The following ZNF100 variants were observed in gnomAD, a reference collection of about 807,000 sequenced individuals.
ZNF100 encodes zinc finger protein 100 (Y1).
ZNF100 carries 12 observed loss-of-function variants against 15.8 expected under a neutral mutation model. The ratio of observed to expected loss-of-function variants is 0.76; its 90% CI spans 0.49 to 1.23. ZNF100 has a LOEUF of 1.23. ZNF100 is among the 50% of genes most tolerant of loss of function. ZNF100 has a pLI of 0.00. For missense variants in ZNF100, 670 were observed against 635.6 expected, an observed-to-expected ratio of 1.05 and a Z score of -0.58; for synonymous variants, 226 against 214.8, an observed-to-expected ratio of 1.05 and a Z score of -0.45.
intron 4 of ZNF100, among the ~76,000 whole-genome samples, chr19:21,741,909 C>T (rs1270663688): frequency 1.3e-5 from 2 of 152,034 alleles, no homozygotes; most frequent in African/African-American, 4.8e-5. Context: ...AACTTTTGGG[C>T]TCAAGTGATC....
chr19:21,753,473 C>T (rs2036343167), intron 2 of ZNF100: 2 of 152,042 alleles, frequency 1.3e-5, no homozygotes, highest in East Asian at 3.9e-4. Context: ...GTCCCAGCTA[C>T]TCTGGAGGCT....
chr19:21,728,508 C>G (rs1468798062), intron 4 of ZNF100, among the ~76,000 whole-genome samples: 1 of 152,008 alleles, frequency 6.6e-6, no homozygotes, highest in African/African-American at 2.4e-5. Context: ...GTACCACAGA[C>G]AGAAAACAGG....
At chr19:21,745,646 C>T (rs2036199817) in intron 2 of ZNF100, among the ~76,000 whole-genome samples, 1 of 152,012 alleles carries the variant, frequency 6.6e-6, no homozygotes, top group East Asian at 1.9e-4. Flanking sequence ...CCTCAGCCTC[C>T]CGAGTAGCTG....
chr19:21,746,405 A>G (rs1198131239), intron 2 of ZNF100, among the ~76,000 whole-genome samples: 1 of 152,162 alleles, frequency 6.6e-6, no homozygotes, highest in Non-Finnish European at 1.5e-5. Flanking sequence ...CATCCTATTT[A>G]AGTAAGTATT....
At chr19:21,740,485 GA>G (rs74174038) in intron 4 of ZNF100, among the ~76,000 whole-genome samples, 22 of 147,328 alleles carry the variant, frequency 1.5e-4, no homozygotes, top group African/African-American at 4.7e-4. Context: ...ATCCACATTA[GA>G]AAAAAAAAAC....
Position 21,736,975 on chromosome 19 carries a change from C to G in ZNF100, c.322+7042G>C, listed in dbSNP as rs150114817. Among the ~76,000 whole-genome samples the G allele has an allele frequency of 3.7e-3, 567 of 151,844 alleles. 2 individuals carry two copies. Among genetic ancestry groups the G allele is most frequent in the African/African-American group, 0.013 (547 of 41,412 alleles). On this transcript the variant is annotated intron_variant, in intron 4 of 4. Transcript: ENST00000358296. ...TCAAATTGACTTCCTAACATCACAA[C>G]TAAAAGGAAAAGAGAACCAAGAGCA...
chr19:21,767,213 G>A (rs1456446339), intron 1 of ZNF100, among the ~76,000 whole-genome samples: 1 of 152,184 alleles, frequency 6.6e-6, no homozygotes, highest in African/African-American at 2.4e-5. Context: ...CCAGGCCAAG[G>A]CACAGTCACT....
intron 4 of ZNF100, among the ~76,000 whole-genome samples, chr19:21,737,386 T>A (rs1404280608): frequency 2.0e-5 from 3 of 151,210 alleles, no homozygotes; most frequent in Non-Finnish European, 2.9e-5. Context: ...ATAAAAAAAA[T>A]TAGTTGGGCA....
At chr19:21,743,995 T>A in intron 4 of ZNF100, 22 bp downstream of exon 4, 1 of 1,598,888 alleles carries the variant, frequency 6.3e-7, no homozygotes, top group Admixed American at 1.7e-5. Context: ...CTGTGTCATC[T>A]GTTGTGTTCA....
chr19:21,746,826 A>G (rs758576536), intron 2 of ZNF100: 6 of 124,298 alleles, frequency 4.8e-5, no homozygotes, highest in Middle Eastern at 8.6e-3. Flanking sequence ...TTAGCTGAAG[A>G]AAAAAAAACA....
At chr19:21,733,405 T>C (rs539401102) in intron 4 of ZNF100, among the ~76,000 whole-genome samples, 3 of 151,938 alleles carry the variant, frequency 2.0e-5, no homozygotes, top group African/African-American at 4.8e-5. Flanking sequence ...TTTTATGTAA[T>C]CTGTTTTTCA....
At chr19:21,735,573 C>G (rs964005510) in intron 4 of ZNF100, among the ~76,000 whole-genome samples, 2 of 148,238 alleles carry the variant, frequency 1.3e-5, no homozygotes, top group African/African-American at 4.9e-5. Context: ...GTGCTGTATT[C>G]AAGAGACCCA....
chr19:21,749,302 A>AG (rs1333372518), intron 2 of ZNF100, among the ~76,000 whole-genome samples: 5 of 151,992 alleles, frequency 3.3e-5, no homozygotes, highest in African/African-American at 9.7e-5. Context: ...AGAAAAAAAA[A>AG]AAACAGAATG....
intron 2 of ZNF100, among the ~76,000 whole-genome samples, chr19:21,764,687 A>G (rs2036532910): frequency 6.6e-6 from 1 of 152,124 alleles, no homozygotes; most frequent in African/African-American, 2.4e-5. Flanking sequence ...CAGACAATAA[A>G]CGTATTACTT....
chr19:21,727,826 A>G lies in ZNF100; in HGVS notation c.486T>C (p.Asp162=). 6.2e-7 allele frequency: 1 copy of G among 1,613,224 alleles called. No individual in the cohort carries two copies. The highest frequency in any genetic ancestry group is 8.5e-7 in the Non-Finnish European group (1 of 1,179,596). ...TTATCAAACACTGGTTTAATTTGTTATCATGTTCTTTGTGCACTTTACACT... is the reference window on the plus strand; with the variant it reads ...TTATCAAACACTGGTTTAATTTGTTGTCATGTTCTTTGTGCACTTTACACT... ...VDECKVHKEH[D]NKLNQCLITT... is the part of the protein sequence containing the mutation. Residue 162 remains aspartate, a synonymous_variant, in exon 5 of 5, where the codon GAT becomes GAC. Transcript: ENST00000358296.
intron 2 of ZNF100, among the ~76,000 whole-genome samples, chr19:21,748,780 A>G (rs1250258585): frequency 1.3e-5 from 2 of 152,166 alleles, no homozygotes. Flanking sequence ...TCTTGGCTCA[A>G]CGCAAACTCT....
intron 4 of ZNF100, among the ~76,000 whole-genome samples, chr19:21,739,313 T>C (rs2036066483): frequency 6.6e-6 from 1 of 152,216 alleles, no homozygotes; most frequent in African/African-American, 2.4e-5. Context: ...TTCAACAATT[T>C]GGAAGACAAA....
In ZNF100 at chr19:21,725,873, CTT is replaced by C. The variant is rs1320569508; in HGVS notation, c.*808_*809del. On this transcript the variant is annotated 3_prime_UTR_variant, in exon 5 of 5. Transcript: ENST00000358296. ...CTGTAAATTCTCTGATATTTACAGA[CTT>C]AATGATTAAAATTTTTAAAAAATTT... 7.2e-6 allele frequency: 1 copy of C among 138,600 alleles called. No homozygotes were observed. Among genetic ancestry groups the C allele is most frequent in the African/African-American group, 3.0e-5 (1 of 33,050 alleles). The allele number at this position is 138,600 out of a possible 1,614,324, so 8.6% of individuals were successfully genotyped here.
At chr19:21,733,338 T>G (rs2035952483) in intron 4 of ZNF100, among the ~76,000 whole-genome samples, 1 of 135,750 alleles carries the variant, frequency 7.4e-6, no homozygotes, top group African/African-American at 2.8e-5. Flanking sequence ...CAACAGAGGT[T>G]TTGTACTTAA....
Sources: gnomAD v4.1 joint callset for allele counts (sites outside exome capture counted in the v4.1 genomes callset) on GRCh38, gnomAD v4.1.1 for gene constraint, MANE v1.5 for transcripts, NCBI Gene and HGNC (gene_info 2026-07-23, HGNC 2026-07-21) for gene names.